HCRTR2: variants seen among roughly 807,000 people sequenced by gnomAD.
The protein encoded by HCRTR2 is hypocretin receptor 2.
In HCRTR2, 22 loss-of-function variants were observed where a neutral mutation model predicts 49.0. The ratio of observed to expected loss-of-function variants is 0.45; its 90% confidence interval spans 0.32 to 0.64. HCRTR2 has a LOEUF of 0.64. Ranked by LOEUF, HCRTR2 falls within the 30% of genes least tolerant of loss-of-function variation. The pLI, the probability that HCRTR2 is intolerant of heterozygous loss-of-function variation, is 0.04. For synonymous variants in HCRTR2, 236 were observed against 205.3 expected (o/e 1.15, Z -1.28); for missense variants, 491 against 559.4 (o/e 0.88, Z 1.23).
chr6:55,113,133 A>T (rs1254637270), intron 1 of HCRTR2, among the ~76,000 whole-genome samples: 3 of 152,084 alleles, frequency 2.0e-5, no homozygotes, highest in Non-Finnish European at 4.4e-5. Flanking sequence ...TCAACTTAAG[A>T]CAGATCAAAG....
At chr6:55,188,143 T>G (rs1765257007) in intron 1 of HCRTR2, among the ~76,000 whole-genome samples, 1 of 152,214 alleles carries the variant, frequency 6.6e-6, no homozygotes. Flanking sequence ...TATGCTAGTC[T>G]GCGTAGCAAA....
At chr6:55,237,617 G>A (rs12055778) in intron 1 of HCRTR2, among the ~76,000 whole-genome samples, 2 of 152,008 alleles carry the variant, frequency 1.3e-5, no homozygotes, top group Non-Finnish European at 2.9e-5. Flanking sequence ...GAAGAAAAGA[G>A]GCTAAATGCC....
At chr6:55,162,666 A>C (rs1354581646) in intron 1 of HCRTR2, among the ~76,000 whole-genome samples, 1 of 152,202 alleles carries the variant, frequency 6.6e-6, no homozygotes, top group Non-Finnish European at 1.5e-5. Context: ...CAATGTGCAA[A>C]AATCACAAGC....
chr6:55,187,922 G>A (rs926282731), intron 1 of HCRTR2, among the ~76,000 whole-genome samples: 4 of 151,582 alleles, frequency 2.6e-5, no homozygotes, highest in East Asian at 1.9e-4. Context: ...GACTACAGGC[G>A]CACGCCACCA....
At chr6:55,173,588 G>T (rs991905387), upstream of HCRTR2, among the ~76,000 whole-genome samples, 25 of 152,210 alleles carry the variant, frequency 1.6e-4, 1 homozygote, top group African/African-American at 5.8e-4. Context: ...CCAATGGGAT[G>T]TGGTATTTAC....
In HCRTR2 at chr6:55,223,228, A is replaced by G. The variant is rs543742242; in HGVS notation, c.224-25411A>G. ...ATTTTTTCTGGCTTTTTTATTAGTAACTGGGATCCTTGCAGCTGTATCTAT... is the reference window on the plus strand; with the variant it reads ...ATTTTTTCTGGCTTTTTTATTAGTAGCTGGGATCCTTGCAGCTGTATCTAT... On this transcript the variant is annotated intron_variant, in intron 1 of 6. Coordinates refer to ENST00000370862, the MANE Select transcript of HCRTR2 (RefSeq NM_001384272.1). Among the ~76,000 whole-genome samples, 128 of 152,176 alleles carry G rather than the reference A, an allele frequency of 8.4e-4. 6 individuals are homozygous for G. The South Asian group carries it at 0.025, about 29-fold the overall frequency.
intron 4 of HCRTR2, among the ~76,000 whole-genome samples, chr6:55,265,552 G>A (rs993918389): frequency 2.6e-5 from 4 of 152,018 alleles, no homozygotes; most frequent in African/African-American, 4.8e-5. Flanking sequence ...TTTATGAACC[G>A]GCATGTGTTA....
intron 1 of HCRTR2, among the ~76,000 whole-genome samples, chr6:55,122,809 C>T (rs1433384957): frequency 6.6e-6 from 1 of 151,970 alleles, no homozygotes; most frequent in Non-Finnish European, 1.5e-5. Flanking sequence ...GAGTTCATGT[C>T]CTTTGTAGGG....
intron 1 of HCRTR2, among the ~76,000 whole-genome samples, chr6:55,244,218 A>G (rs1364152293): frequency 6.6e-6 from 1 of 152,104 alleles, no homozygotes; most frequent in Non-Finnish European, 1.5e-5. Context: ...GAGAGCTCTC[A>G]TTGAAATGGA....
At chr6:55,276,294 T>C (rs1767075355) in intron 4 of HCRTR2, among the ~76,000 whole-genome samples, 1 of 152,176 alleles carries the variant, frequency 6.6e-6, no homozygotes, top group Non-Finnish European at 1.5e-5. Context: ...TCAAAGGAAA[T>C]GTCATATTAA....
At chr6:55,252,864 T>TATC (rs1302867564) in intron 2 of HCRTR2, among the ~76,000 whole-genome samples, 5 of 152,044 alleles carry the variant, frequency 3.3e-5, no homozygotes. Flanking sequence ...AAACTAATAG[T>TATC]ATCATCATCA....
intron 1 of HCRTR2, among the ~76,000 whole-genome samples, chr6:55,111,737 C>G (rs921472358): frequency 2.0e-5 from 3 of 151,962 alleles, no homozygotes; most frequent in Admixed American, 6.6e-5. Context: ...ATAATTGGTA[C>G]CAATCCTGTT....
intron 1 of HCRTR2, among the ~76,000 whole-genome samples, chr6:55,198,082 C>T (rs900401804): frequency 1.3e-5 from 2 of 152,102 alleles, no homozygotes; most frequent in African/African-American, 4.8e-5. Flanking sequence ...TAAACTTAAA[C>T]ATAACTCAAA....
intron 1 of HCRTR2, among the ~76,000 whole-genome samples, chr6:55,197,303 T>C (rs3134696): frequency 0.28 from 41,883 of 151,888 alleles, 6,361 homozygotes; most frequent in African/African-American, 0.4. Flanking sequence ...CAACCCACCC[T>C]TACCCTTTTA....
chr6:55,213,295 C>A lies in HCRTR2; in HGVS notation c.224-35344C>A, dbSNP rs1015212427. On this transcript the variant is annotated intron_variant, in intron 1 of 6. Coordinates refer to ENST00000370862, the MANE Select transcript of HCRTR2 (RefSeq NM_001384272.1). ...AAGGTTAGAATAGGCAACAATCTAC[C>A]TTGTGGCATCTTCTTAAAATTATCA... Among the ~76,000 whole-genome samples the A allele has an allele frequency of 2.0e-5, 3 of 152,060 alleles. No homozygotes were observed. The East Asian group carries it at 5.8e-4, about 29-fold the overall frequency.
chr6:55,121,821 A>T (rs1764204304), intron 1 of HCRTR2, among the ~76,000 whole-genome samples: 1 of 152,132 alleles, frequency 6.6e-6, no homozygotes, highest in South Asian at 2.1e-4. Context: ...CCACTTGATC[A>T]TGCTGGATAA....
At chr6:55,254,880 T>TA (rs1766620680) in intron 2 of HCRTR2, among the ~76,000 whole-genome samples, 1 of 151,988 alleles carries the variant, frequency 6.6e-6, no homozygotes, top group Admixed American at 6.6e-5. Context: ...ACATTTGGAG[T>TA]AAAAAAAGAT....
At chr6:55,151,256 T>G (rs1439917301) in intron 1 of HCRTR2, among the ~76,000 whole-genome samples, 5 of 151,980 alleles carry the variant, frequency 3.3e-5, no homozygotes, top group Admixed American at 2.6e-4. Context: ...CTCTGTGTTA[T>G]GCAATGCTGA....
chr6:55,193,959 G>A (rs534968235), intron 1 of HCRTR2, among the ~76,000 whole-genome samples: 1 of 152,034 alleles, frequency 6.6e-6, no homozygotes, highest in Non-Finnish European at 1.5e-5. Context: ...TAGGTTGTCT[G>A]TCTCTTTAAC....
Sources: gnomAD v4.1 joint callset for allele counts (sites outside exome capture counted in the v4.1 genomes callset) on GRCh38, gnomAD v4.1.1 for gene constraint, MANE v1.5 for transcripts, NCBI Gene and HGNC (gene_info 2026-07-23, HGNC 2026-07-21) for gene names.